AGBL4: variants seen among roughly 807,000 people sequenced by gnomAD.
AGBL4 encodes the protein AGBL carboxypeptidase 4.
Under a neutral mutation model 66.4 loss-of-function variants are expected in AGBL4, and 58 were observed. The observed-to-expected ratio is 0.87, with a 90% CI of 0.71 to 1.09. The LOEUF (loss-of-function observed/expected upper bound fraction) is 1.09. AGBL4 is among the 50% of genes least tolerant of loss of function. The pLI is 0.00. For missense variants in AGBL4, 579 were observed against 631.0 expected (o/e 0.92, Z 0.88); for synonymous variants, 234 against 222.9 (o/e 1.05, Z -0.44).
In AGBL4 at chr1:48,653,455, G is replaced by C. The variant is rs41289226; in HGVS notation, c.725-4C>G. On this transcript the variant is annotated splice_region_variant and splice_polypyrimidine_tract_variant and intron_variant, in intron 7 of 13. Transcript: ENST00000371839. Reference sequence around the variant, plus strand: ...CTTACAAGGAAGTCAATGATCCCTAGGGAAAGAGAAGAGCCCGGTTTAACA... The same window carrying C: ...CTTACAAGGAAGTCAATGATCCCTACGGAAAGAGAAGAGCCCGGTTTAACA... 2.6e-6 allele frequency: 4 copies of C among 1,558,132 alleles called. No individual in the cohort carries two copies. Among genetic ancestry groups the C allele is most frequent in the Non-Finnish European group, 3.5e-6 (4 of 1,148,666 alleles).
At chr1:48,860,649 T>G (rs1345785829) in intron 6 of AGBL4, among the ~76,000 whole-genome samples, 1 of 152,160 alleles carries the variant, frequency 6.6e-6, no homozygotes, top group Admixed American at 6.5e-5. Context: ...GTGAGGAATA[T>G]AGACTCAGGA....
At chr1:48,900,371 T>C (rs1284731887) in intron 5 of AGBL4, among the ~76,000 whole-genome samples, 1 of 152,252 alleles carries the variant, frequency 6.6e-6, no homozygotes, top group Non-Finnish European at 1.5e-5. Flanking sequence ...GCAGGCTTTG[T>C]TATAAAAATG....
chr1:48,689,931 G>A (rs192548588), intron 6 of AGBL4, among the ~76,000 whole-genome samples: 1 of 152,322 alleles, frequency 6.6e-6, no homozygotes, highest in Admixed American at 6.5e-5. Context: ...AATCACTCCT[G>A]TTGTGGAGGA....
chr1:49,370,883 T>A (rs949217174), intron 3 of AGBL4, among the ~76,000 whole-genome samples: 1 of 152,212 alleles, frequency 6.6e-6, no homozygotes, highest in African/African-American at 2.4e-5. Flanking sequence ...GAGGTTAACA[T>A]TTAAGTCAGT....
intron 3 of AGBL4, among the ~76,000 whole-genome samples, chr1:49,400,552 T>G (rs1167077114): frequency 6.6e-6 from 1 of 151,848 alleles, no homozygotes; most frequent in Non-Finnish European, 1.5e-5. Flanking sequence ...TTCTTCAATT[T>G]CTTTCATCAG....
chr1:49,066,961 C>T (rs1288162809), intron 4 of AGBL4, among the ~76,000 whole-genome samples: 1 of 152,234 alleles, frequency 6.6e-6, no homozygotes, highest in Non-Finnish European at 1.5e-5. Flanking sequence ...TCAGCATCTT[C>T]TCCGCACCAA....
intron 6 of AGBL4, among the ~76,000 whole-genome samples, chr1:48,813,861 A>T (rs764244274): frequency 1.3e-5 from 2 of 150,324 alleles, no homozygotes; most frequent in Non-Finnish European, 3.0e-5. Context: ...TTTTCAAATC[A>T]AGGCTCAGGA....
intron 6 of AGBL4, among the ~76,000 whole-genome samples, chr1:48,689,351 G>T (rs1444639570): frequency 6.6e-6 from 1 of 152,044 alleles, no homozygotes; most frequent in East Asian, 1.9e-4. Context: ...AGACAGTGAG[G>T]AGGCTGCATT....
chr1:49,111,157 A>G (rs1230167060), intron 4 of AGBL4, among the ~76,000 whole-genome samples: 1 of 142,954 alleles, frequency 7.0e-6, no homozygotes, highest in Non-Finnish European at 1.5e-5. Flanking sequence ...TCTGTCACCC[A>G]GGTTGGAGTG....
intron 5 of AGBL4, among the ~76,000 whole-genome samples, chr1:49,016,961 G>A (rs945881200): frequency 6.6e-6 from 1 of 152,194 alleles, no homozygotes; most frequent in Non-Finnish European, 1.5e-5. Context: ...GTATGACTGG[G>A]AATGGTGTCA....
intron 2 of AGBL4, among the ~76,000 whole-genome samples, chr1:49,811,874 A>G (rs1645110414): frequency 1.3e-5 from 2 of 152,240 alleles, no homozygotes; most frequent in Admixed American, 1.3e-4. Context: ...CAAAAAACAG[A>G]GTTAGCGAAA....
At chr1:49,471,917 T>C (rs1213902796) in intron 3 of AGBL4, 3 of 152,104 alleles carry the variant, frequency 2.0e-5, no homozygotes, top group Non-Finnish European at 1.5e-5. Context: ...CCTTCATTCC[T>C]GCTGGGTAGC....
chr1:49,224,020 A>G (rs1649705677), intron 4 of AGBL4, among the ~76,000 whole-genome samples: 1 of 152,212 alleles, frequency 6.6e-6, no homozygotes, highest in South Asian at 2.1e-4. Flanking sequence ...ATGAATTTCA[A>G]CTATCATATC....
intron 4 of AGBL4, among the ~76,000 whole-genome samples, chr1:49,101,955 T>C (rs1407931606): frequency 6.6e-6 from 1 of 152,016 alleles, no homozygotes; most frequent in Admixed American, 6.6e-5. Context: ...GACTATCTGA[T>C]ATAGATCATA....
At chr1:49,831,480 G>C (rs751696224) in intron 2 of AGBL4, among the ~76,000 whole-genome samples, 11 of 152,166 alleles carry the variant, frequency 7.2e-5, no homozygotes, top group Non-Finnish European at 1.6e-4. Context: ...CTTTGCTGAA[G>C]TTGCTTCAGC....
chr1:48,695,446 T>C (rs1474768832), intron 6 of AGBL4, among the ~76,000 whole-genome samples: 1 of 152,204 alleles, frequency 6.6e-6, no homozygotes, highest in East Asian at 1.9e-4. Flanking sequence ...TCAAAGCCAA[T>C]GAATATTTAA....
intron 8 of AGBL4, chr1:48,647,686 C>T: frequency 2.4e-6 from 1 of 424,166 alleles, no homozygotes; most frequent in Non-Finnish European, 4.7e-6. Context: ...ATGCAGGCAA[C>T]TTCTGCATTA....
At chr1:49,043,045 C>G (rs1030749485) in intron 5 of AGBL4, among the ~76,000 whole-genome samples, 15 of 152,106 alleles carry the variant, frequency 9.9e-5, no homozygotes, top group African/African-American at 3.6e-4. Context: ...AATGAATGAA[C>G]TTCCCATTCT....
At chr1:48,988,084 C>T (rs998832307) in intron 5 of AGBL4, among the ~76,000 whole-genome samples, 21 of 152,000 alleles carry the variant, frequency 1.4e-4, no homozygotes, top group African/African-American at 5.1e-4. Flanking sequence ...CCTGACCCAC[C>T]CCCTCATTCC....
Sources: allele counts gnomAD v4.1 joint callset (sites outside exome capture counted in the v4.1 genomes callset), GRCh38; gene constraint gnomAD v4.1.1; transcripts MANE v1.5; gene names NCBI Gene and HGNC (gene_info 2026-07-23, HGNC 2026-07-21).